The following BRINP3 variants were observed in gnomAD, a reference collection of about 807,000 sequenced individuals.
BRINP3 encodes BMP/retinoic acid-inducible neural-specific protein 3.
In BRINP3, 19 loss-of-function variants were observed where a neutral mutation model predicts 71.0. The observed-to-expected ratio is 0.27, with a 90% CI of 0.19 to 0.39. The LOEUF is 0.39. Ranked by LOEUF, BRINP3 falls within the 10% of genes least tolerant of loss-of-function variation. The pLI is 1.00. For missense variants in BRINP3, 959 were observed against 940.8 expected (o/e 1.02, Z -0.25); for synonymous variants, 380 against 337.7 (o/e 1.13, Z -1.37).
At chr1:190,227,370 G>T (rs1361950088) in intron 5 of BRINP3, among the ~76,000 whole-genome samples, 2 of 151,558 alleles carry the variant, frequency 1.3e-5, no homozygotes, top group Non-Finnish European at 3.0e-5. Context: ...GTTGGAAAAA[G>T]TACTCTTAGA....
chr1:190,461,955 G>A (rs998844143), intron 1 of BRINP3, among the ~76,000 whole-genome samples: 3 of 151,866 alleles, frequency 2.0e-5, no homozygotes, highest in East Asian at 1.9e-4. Context: ...ACGGAGTTTC[G>A]CCAGGCTGGA....
intron 5 of BRINP3, among the ~76,000 whole-genome samples, chr1:190,233,173 A>G (rs1028547518): frequency 1.3e-5 from 2 of 151,982 alleles, no homozygotes. Flanking sequence ...CTGGAGTAAC[A>G]TGATGTGCAG....
At chr1:190,379,382 A>G (rs1670375200) in intron 2 of BRINP3, among the ~76,000 whole-genome samples, 1 of 152,188 alleles carries the variant, frequency 6.6e-6, no homozygotes, top group Non-Finnish European at 1.5e-5. Context: ...ACAATAACCA[A>G]TGAAAATATA....
chr1:190,326,855 AGT>A (rs1666608990), intron 2 of BRINP3, among the ~76,000 whole-genome samples: 1 of 152,062 alleles, frequency 6.6e-6, no homozygotes, highest in Admixed American at 6.6e-5. Context: ...AACACGCTTA[AGT>A]ACATAGCCCA....
At chr1:190,424,264 T>C (rs1311064311) in intron 2 of BRINP3, among the ~76,000 whole-genome samples, 1 of 151,672 alleles carries the variant, frequency 6.6e-6, no homozygotes, top group Non-Finnish European at 1.5e-5. Context: ...AGTCAAATTA[T>C]TGAGGGCGGC....
chr1:190,311,077 G>A (rs866079866), intron 2 of BRINP3, among the ~76,000 whole-genome samples: 2 of 151,666 alleles, frequency 1.3e-5, no homozygotes, highest in African/African-American at 4.8e-5. Flanking sequence ...TTTAAATTAT[G>A]TTGTACTTTC....
chr1:190,349,390 A>C (rs1668227629), intron 2 of BRINP3, among the ~76,000 whole-genome samples: 1 of 152,130 alleles, frequency 6.6e-6, no homozygotes, highest in Admixed American at 6.6e-5. Context: ...GGAGGTATTA[A>C]TTTAAAATGT....
At chr1:190,120,457 A>T (rs1025982627) in intron 7 of BRINP3, among the ~76,000 whole-genome samples, 64 of 152,184 alleles carry the variant, frequency 4.2e-4, no homozygotes, top group African/African-American at 1.5e-3. Context: ...ATTTAAATAC[A>T]ATTTTACAAA....
At chr1:190,205,461 G>C (rs921216954) in intron 6 of BRINP3, among the ~76,000 whole-genome samples, 3 of 152,058 alleles carry the variant, frequency 2.0e-5, no homozygotes, top group Non-Finnish European at 4.4e-5. Context: ...TAAAACTCAT[G>C]ATCTCCTGAG....
intron 2 of BRINP3, among the ~76,000 whole-genome samples, chr1:190,337,902 T>A (rs1276995990): frequency 6.6e-6 from 1 of 152,080 alleles, no homozygotes; most frequent in Non-Finnish European, 1.5e-5. Flanking sequence ...CTGTGTTTTT[T>A]AAACTATGAT....
intron 6 of BRINP3, among the ~76,000 whole-genome samples, chr1:190,194,957 A>T (rs1654348746): frequency 6.6e-6 from 1 of 152,102 alleles, no homozygotes; most frequent in African/African-American, 2.4e-5. Flanking sequence ...CAATATGTTA[A>T]ACTATGTTTA....
chr1:190,398,986 C>A (rs1407097222), intron 2 of BRINP3, among the ~76,000 whole-genome samples: 1 of 151,982 alleles, frequency 6.6e-6, no homozygotes, highest in Non-Finnish European at 1.5e-5. Context: ...ATATGTCCAT[C>A]ATTGGTCAGG....
intron 7 of BRINP3, among the ~76,000 whole-genome samples, chr1:190,129,376 G>A (rs1198812504): frequency 2.6e-5 from 4 of 151,808 alleles, no homozygotes; most frequent in Non-Finnish European, 4.4e-5. Context: ...AAGAGTGCAT[G>A]GAGAGACATT....
chr1:190,107,649 G>A (rs1386913343), intron 7 of BRINP3, among the ~76,000 whole-genome samples: 1 of 151,904 alleles, frequency 6.6e-6, no homozygotes, highest in Non-Finnish European at 1.5e-5. Flanking sequence ...CTATATGTTA[G>A]CTTTCCTAAT....
chr1:190,250,216 TG>T (rs1440439564), intron 4 of BRINP3, among the ~76,000 whole-genome samples: 1 of 151,896 alleles, frequency 6.6e-6, no homozygotes, highest in African/African-American at 2.4e-5. Flanking sequence ...AGCAGCATAA[TG>T]GGTAAAATAT....
chr1:190,211,925 C>G (rs1262512346), intron 6 of BRINP3, among the ~76,000 whole-genome samples: 1 of 152,040 alleles, frequency 6.6e-6, no homozygotes, highest in African/African-American at 2.4e-5. Context: ...CCAATCAAAA[C>G]AAATAGCAGC....
Position 190,363,244 on chromosome 1 carries a change from G to A in BRINP3, c.237-81494C>T, listed in dbSNP as rs143559765. Among the ~76,000 whole-genome samples the A allele has an allele frequency of 4.1e-3, 624 of 152,228 alleles. 2 individuals carry two copies. Among genetic ancestry groups the A allele is most frequent in the Middle Eastern group, 0.014 (4 of 292 alleles). On this transcript the variant is annotated intron_variant, in intron 2 of 7. Transcript: ENST00000367462. ...CCGCAACTGCAAGAAATTAAGTACT[G>A]TCTACAATGTAAGCTTGAAAGAGGA...
chr1:190,214,132 C>T (rs543978260), intron 6 of BRINP3, among the ~76,000 whole-genome samples: 20 of 152,028 alleles, frequency 1.3e-4, no homozygotes, highest in Non-Finnish European at 2.6e-4. Flanking sequence ...AAAGAGCATT[C>T]CCCACCTTCA....
At chr1:190,108,057 T>C (rs1348438759) in intron 7 of BRINP3, among the ~76,000 whole-genome samples, 1 of 151,754 alleles carries the variant, frequency 6.6e-6, no homozygotes, top group Non-Finnish European at 1.5e-5. Flanking sequence ...ATACTGGAGC[T>C]GAATAGTTGT....
Sources: allele counts gnomAD v4.1 joint callset (sites outside exome capture counted in the v4.1 genomes callset), GRCh38; gene constraint gnomAD v4.1.1; transcripts MANE v1.5; gene names NCBI Gene and HGNC (gene_info 2026-07-23, HGNC 2026-07-21).